The following AFF2 variants were observed in gnomAD, a reference collection of about 807,000 sequenced individuals.
AFF2 encodes the protein AF4/FMR2 family member 2.
In AFF2, 14 loss-of-function variants were observed where a neutral mutation model predicts 76.9. The observed-to-expected ratio is 0.18, with a 90% CI of 0.12 to 0.28. The LOEUF is 0.28. Among genes scored for constraint, AFF2 ranks in the 10% least tolerant of loss-of-function variants. The pLI, the probability that AFF2 is intolerant of heterozygous loss-of-function variation, is 1.00. For synonymous variants in AFF2, 398 were observed against 366.7 expected (o/e 1.09, Z -0.98); for missense variants, 868 against 1,001.1 (o/e 0.87, Z 1.79).
At chrX:148,978,337 C>G (rs1557290515) in intron 17 of AFF2, 25 bp from the exon 18 acceptor site, 1 of 1,098,286 alleles carries the variant, frequency 9.1e-7, no homozygotes, top group Non-Finnish European at 1.3e-6. Context: ...CTGGCATTAA[C>G]AGAAGCCTTT....
intron 3 of AFF2, among the ~76,000 whole-genome samples, chrX:148,776,084 C>G (rs1393741231): frequency 9.0e-6 from 1 of 110,833 alleles, no homozygotes; most frequent in Non-Finnish European, 1.9e-5. Flanking sequence ...TGTTCAACTC[C>G]CACTTATGAG....
chrX:148,522,170 G>C (rs1385392460), intron 1 of AFF2, among the ~76,000 whole-genome samples: 5 of 112,407 alleles, frequency 4.4e-5, no homozygotes. Context: ...CTTGCCACCT[G>C]TCCTGACGAC....
At chrX:148,501,270 T>A in intron 1 of AFF2, 126 bp downstream of exon 1, 1 of 884,189 alleles carries the variant, frequency 1.1e-6, no homozygotes, top group Non-Finnish European at 1.6e-6. Flanking sequence ...CCACTTGCTC[T>A]CAGCCACCTC....
In AFF2 at chrX:148,966,792, G is replaced by A. The variant is rs1557288757; in HGVS notation, c.2916G>A (p.Glu972=). The change falls in exon 14 of 21, where the codon GAG becomes GAA. Residue 972 remains glutamate (E), a splice_region_variant and synonymous_variant. Transcript: ENST00000370460. ...CTATTTGTCCTCCTTTTTCCCAGGAGGGAGACACTCCAAAAAAGGCATCCT... is the reference window on the plus strand; with the variant it reads ...CTATTTGTCCTCCTTTTTCCCAGGAAGGAGACACTCCAAAAAAGGCATCCT... ...CATFKGISVN[E]GDTPKKASSA... The A allele has an allele frequency of 4.1e-6, 5 of 1,209,529 alleles. No individual in the cohort carries two copies. The South Asian group carries it at 8.8e-5, about 21-fold the overall frequency.
At chrX:148,591,607 T>G (rs1021334997) in intron 1 of AFF2, among the ~76,000 whole-genome samples, 9 of 112,188 alleles carry the variant, frequency 8.0e-5, no homozygotes, top group Admixed American at 2.8e-4. Context: ...TTTAATGGAT[T>G]CCAGCCACAA....
Position 148,955,737 on chromosome X carries a change from A to G in AFF2, c.1692A>G (p.Gln564=). 8.3e-7 allele frequency: 1 copy of G among 1,211,709 alleles called. No homozygotes were observed. Among genetic ancestry groups the G allele is most frequent in the Non-Finnish European group, 1.1e-6 (1 of 895,522 alleles). ...ETISLPPPII[Q]PMEVQMKVKT... The stretch of plus-strand genomic sequence containing the variant: ...TTTCTCTGCCTCCTCCAATCATCCA[A>G]CCAATGGAAGTCCAGATGAAAGTGA... The change falls in exon 11 of 21, where the codon CAA becomes CAG. Residue 564 remains glutamine (Q), a synonymous_variant. Transcript: ENST00000370460.
intron 7 of AFF2, among the ~76,000 whole-genome samples, chrX:148,873,123 A>C (rs2070997686): frequency 9.0e-6 from 1 of 111,561 alleles, no homozygotes; most frequent in African/African-American, 3.3e-5. Context: ...TATACTGTTG[A>C]GAGGGACATT....
intron 2 of AFF2, among the ~76,000 whole-genome samples, chrX:148,657,779 A>G (rs2054268329): frequency 8.9e-6 from 1 of 112,456 alleles, no homozygotes; most frequent in African/African-American, 3.2e-5. Context: ...AAATTGAAAG[A>G]AGCATATAAT....
chrX:148,785,122 C>T (rs782599458), intron 3 of AFF2, among the ~76,000 whole-genome samples: 38 of 112,242 alleles, frequency 3.4e-4, no homozygotes, highest in African/African-American at 1.1e-3. Context: ...TATGTGTGTA[C>T]GCATGCGCAT....
chrX:148,527,088 G>A (rs1557235304), intron 1 of AFF2, among the ~76,000 whole-genome samples: 1 of 112,169 alleles, frequency 8.9e-6, no homozygotes, highest in Non-Finnish European at 1.9e-5. Context: ...CAAATTGGCA[G>A]TGGAGAAACC....
At position 148,765,130 on chromosome X, in the gene AFF2, C is replaced by G. The variant is rs781792608; in HGVS notation, c.1042-44746C>G. Among the ~76,000 whole-genome samples the G allele has an allele frequency of 3.7e-4, 42 of 112,231 alleles. No homozygotes were observed. The East Asian group carries it at 0.011, about 29-fold the overall frequency. On this transcript the variant is annotated intron_variant, in intron 3 of 20. Coordinates refer to ENST00000370460, the MANE Select transcript of AFF2 (RefSeq NM_002025.4). ...ACAACTCCTGGGCCCGAGCGATCCT[C>G]ACGCCTCGACCTCCCAAAGTGCTGG...
intron 3 of AFF2, among the ~76,000 whole-genome samples, chrX:148,713,335 T>G (rs187626938): frequency 1.4e-3 from 158 of 111,370 alleles, no homozygotes; most frequent in Non-Finnish European, 2.5e-3. Flanking sequence ...TGAGGCACCT[T>G]TGCATGGCAC....
intron 4 of AFF2, among the ~76,000 whole-genome samples, chrX:148,835,610 G>A (rs1557273692): frequency 9.4e-6 from 1 of 106,313 alleles, no homozygotes; most frequent in Non-Finnish European, 1.9e-5. Context: ...TCAGCCTCCC[G>A]AGTAGCTGGG....
chrX:148,632,755 A>G (rs1280228718), intron 1 of AFF2, among the ~76,000 whole-genome samples: 1 of 111,835 alleles, frequency 8.9e-6, no homozygotes, highest in Non-Finnish European at 1.9e-5. Flanking sequence ...GTAATCATAG[A>G]ATCCCAGAAT....
intron 11 of AFF2, among the ~76,000 whole-genome samples, chrX:148,957,612 T>C (rs1489753809): frequency 8.9e-6 from 1 of 112,547 alleles, no homozygotes; most frequent in Non-Finnish European, 1.9e-5. Flanking sequence ...CATTTTCAGA[T>C]TTTGGATTTT....
chrX:148,664,890 T>C (rs1557258283), intron 3 of AFF2, among the ~76,000 whole-genome samples: 1 of 112,733 alleles, frequency 8.9e-6, no homozygotes, highest in Admixed American at 9.4e-5. Flanking sequence ...TCTGCTCCTG[T>C]TCTGTCATTG....
intron 1 of AFF2, among the ~76,000 whole-genome samples, chrX:148,565,059 G>A (rs1043327587): frequency 1.8e-5 from 2 of 111,772 alleles, no homozygotes; most frequent in East Asian, 5.6e-4. Context: ...AGAGTATGAT[G>A]CTTGTTATCA....
chrX:148,943,127 A>G (rs1226894728), intron 9 of AFF2, among the ~76,000 whole-genome samples: 1 of 111,141 alleles, frequency 9.0e-6, no homozygotes, highest in East Asian at 2.8e-4. Context: ...TCTTGGCAAT[A>G]TGTTGTGTTG....
At chrX:148,741,822 G>C (rs1472705837) in intron 3 of AFF2, among the ~76,000 whole-genome samples, 2 of 111,625 alleles carry the variant, frequency 1.8e-5, no homozygotes, top group Non-Finnish European at 3.8e-5. Context: ...CCTTTCTGCT[G>C]CTTCCTCTAC....
Sources: gnomAD v4.1 joint callset for allele counts (sites outside exome capture counted in the v4.1 genomes callset) on GRCh38, gnomAD v4.1.1 for gene constraint, MANE v1.5 for transcripts, NCBI Gene and HGNC (gene_info 2026-07-23, HGNC 2026-07-21) for gene names.